Variants in ANO3 observed in about 807,000 individuals in gnomAD.
ANO3 encodes anoctamin 3.
A neutral mutation model predicts 144.8 loss-of-function variants in ANO3; 99 were observed. The observed-to-expected ratio is 0.68, with a 90% CI of 0.58 to 0.81. ANO3 has a LOEUF of 0.81. Among genes scored for constraint, ANO3 ranks in the 30% least tolerant of loss-of-function variants. ANO3 has a pLI of 0.00. For missense variants in ANO3, 905 were observed against 1,202.2 expected (o/e 0.75, Z 3.66); for synonymous variants, 414 against 392.6 (o/e 1.05, Z -0.64).
At chr11:26,353,099 C>T (rs893221488) in intron 1 of ANO3, among the ~76,000 whole-genome samples, 1 of 152,202 alleles carries the variant, frequency 6.6e-6, no homozygotes, top group Non-Finnish European at 1.5e-5. Flanking sequence ...TTTGGAGCGT[C>T]TGTCTTTATG....
At chr11:26,448,768 C>T (rs2134033233) in intron 3 of ANO3, among the ~76,000 whole-genome samples, 1 of 152,226 alleles carries the variant, frequency 6.6e-6, no homozygotes, top group South Asian at 2.1e-4. Flanking sequence ...TAAATCTTGT[C>T]AATTGTTTAT....
chr11:26,586,756 C>G (rs1383105055), intron 14 of ANO3, among the ~76,000 whole-genome samples: 1 of 147,172 alleles, frequency 6.8e-6, no homozygotes, highest in East Asian at 2.0e-4. Flanking sequence ...CTTGACTCGG[C>G]CTCCCAAACT....
Position 26,332,236 on chromosome 11 carries a change from C to G in ANO3, c.-40C>G. On this transcript the variant is annotated 5_prime_UTR_variant, in exon 1 of 27. Coordinates refer to ENST00000256737, the MANE Select transcript of ANO3 (RefSeq NM_031418.4). ...GGCTACTGTTCCTCCGCCTCCCTCTCGGGCAGCTCCCTAAGCCGGCTGGGA... is the reference window on the plus strand; with the variant it reads ...GGCTACTGTTCCTCCGCCTCCCTCTGGGGCAGCTCCCTAAGCCGGCTGGGA... The G allele has an allele frequency of 6.2e-7, 1 of 1,614,090 alleles. No homozygotes were observed. Among genetic ancestry groups the G allele is most frequent in the South Asian group, 1.1e-5 (1 of 91,080 alleles).
At chr11:26,516,203 A>G (rs954889892) in intron 5 of ANO3, among the ~76,000 whole-genome samples, 2 of 151,616 alleles carry the variant, frequency 1.3e-5, no homozygotes, top group Non-Finnish European at 2.9e-5. Context: ...TGCATACTTG[A>G]CTCTGCTTAA....
intron 1 of ANO3, among the ~76,000 whole-genome samples, chr11:26,249,722 T>C (rs573890484): frequency 6.6e-6 from 1 of 152,122 alleles, no homozygotes; most frequent in South Asian, 2.1e-4. Flanking sequence ...TTGCCTCTTA[T>C]TAAAAATTTC....
chr11:26,353,860 G>T (rs574420539), intron 1 of ANO3, among the ~76,000 whole-genome samples: 2 of 152,246 alleles, frequency 1.3e-5, no homozygotes, highest in South Asian at 4.2e-4. Flanking sequence ...GAGCCACCGC[G>T]CCGGGCCTCA....
intron 17 of ANO3, among the ~76,000 whole-genome samples, chr11:26,619,757 G>A (rs1273962345): frequency 1.3e-5 from 2 of 152,164 alleles, no homozygotes; most frequent in Non-Finnish European, 2.9e-5. Flanking sequence ...GTGAGCCACT[G>A]CGCCCGGCCA....
At chr11:26,611,684 A>G (rs748114618) in intron 17 of ANO3, among the ~76,000 whole-genome samples, 13 of 152,072 alleles carry the variant, frequency 8.5e-5, no homozygotes, top group African/African-American at 1.7e-4. Flanking sequence ...TAGATTATCT[A>G]TCCACTGTTG....
chr11:26,657,663 A>T (rs1237421559), intron 26 of ANO3, among the ~76,000 whole-genome samples: 1 of 137,142 alleles, frequency 7.3e-6, no homozygotes, highest in Admixed American at 7.2e-5. Context: ...ATTTACTTGC[A>T]CATGTGTTTG....
intron 3 of ANO3, among the ~76,000 whole-genome samples, chr11:26,454,424 T>C (rs967415659): frequency 6.6e-6 from 1 of 152,122 alleles, no homozygotes; most frequent in African/African-American, 2.4e-5. Flanking sequence ...AAATACAAAC[T>C]ACCATCAGAG....
intron 24 of ANO3, among the ~76,000 whole-genome samples, chr11:26,654,936 A>G (rs993414801): frequency 2.0e-5 from 3 of 152,146 alleles, no homozygotes; most frequent in Non-Finnish European, 4.4e-5. Context: ...TGCGAGAATT[A>G]GCTCCACTTG....
chr11:26,645,074 A>G (rs1853301842), intron 23 of ANO3, among the ~76,000 whole-genome samples: 1 of 151,898 alleles, frequency 6.6e-6, no homozygotes, highest in African/African-American at 2.4e-5. Flanking sequence ...TTGTTGTTTC[A>G]TTATTTAGAT....
upstream of ANO3, among the ~76,000 whole-genome samples, chr11:26,306,093 G>A (rs1450861945): frequency 3.3e-5 from 5 of 151,348 alleles, no homozygotes; most frequent in Non-Finnish European, 7.4e-5. Context: ...AGAGTAGCTG[G>A]GACTACAGGC....
chr11:26,262,719 AACACACACAC>A (rs144643690), intron 1 of ANO3, among the ~76,000 whole-genome samples: 1 of 149,108 alleles, frequency 6.7e-6, no homozygotes, highest in African/African-American at 2.5e-5. Context: ...CCTTATAGTA[AACACACACAC>A]ACACACACAC....
chr11:26,238,313 C>A (rs1235784015), intron 1 of ANO3, among the ~76,000 whole-genome samples: 1 of 152,012 alleles, frequency 6.6e-6, no homozygotes, highest in Non-Finnish European at 1.5e-5. Flanking sequence ...AAATGTAGAG[C>A]CAAAACTGGA....
chr11:26,568,193 T>C (rs1428321336), intron 14 of ANO3, among the ~76,000 whole-genome samples: 1 of 152,098 alleles, frequency 6.6e-6, no homozygotes, highest in Non-Finnish European at 1.5e-5. Context: ...ATGCATTTGA[T>C]ATATCAGCTG....
At position 26,661,200 on chromosome 11, in the gene ANO3, C is replaced by T. The variant is rs1332660618; in HGVS notation, c.*756C>T. ...TTTTTGTACTAAATGCCAATAAAGC[C>T]ACATACTTATAAACTATGAATGGCT... On this transcript the variant is annotated 3_prime_UTR_variant, in exon 27 of 27. Transcript: ENST00000256737. 8 of 152,542 alleles carry T rather than the reference C, an allele frequency of 5.2e-5. No individual in the cohort carries two copies. The highest frequency in any genetic ancestry group is 1.2e-4 in the Non-Finnish European group (8 of 68,010). The allele number at this position is 152,542 out of a possible 1,614,324, so 9.4% of individuals were successfully genotyped here.
intron 1 of ANO3, among the ~76,000 whole-genome samples, chr11:26,201,750 G>T (rs1564914667): frequency 6.6e-6 from 1 of 150,580 alleles, no homozygotes; most frequent in African/African-American, 2.4e-5. Context: ...TAAGTTATTT[G>T]AAGGAAGTTT....
At chr11:26,607,022 T>A (rs763796083) in intron 17 of ANO3, among the ~76,000 whole-genome samples, 1 of 152,164 alleles carries the variant, frequency 6.6e-6, no homozygotes, top group Admixed American at 6.5e-5. Context: ...TCTCCTTTGC[T>A]TATGAAGTAT....
Sources: allele counts gnomAD v4.1 joint callset (sites outside exome capture counted in the v4.1 genomes callset), GRCh38; gene constraint gnomAD v4.1.1; transcripts MANE v1.5; gene names NCBI Gene and HGNC (gene_info 2026-07-23, HGNC 2026-07-21).